Variants in CNTN5 observed in about 807,000 individuals in gnomAD.
CNTN5 encodes the protein contactin 5, also known as contactin-5.
A neutral mutation model predicts 129.1 loss-of-function variants in CNTN5; 77 were observed. The observed-to-expected ratio is 0.60, with a 90% CI of 0.50 to 0.72. The LOEUF is 0.72. Ranked by LOEUF, CNTN5 falls within the 30% of genes least tolerant of loss-of-function variation. The probability of loss-of-function intolerance (pLI) is 0.00; values close to 1 mark genes in which losing one functional copy is unlikely to be tolerated. For synonymous variants in CNTN5, 509 were observed against 465.6 expected, an observed-to-expected ratio of 1.09 and a Z score of -1.20; for missense variants, 1,478 against 1,328.8, an observed-to-expected ratio of 1.11 and a Z score of -1.75.
chr11:100,041,237 C>A (rs1942361754), intron 9 of CNTN5, among the ~76,000 whole-genome samples: 1 of 152,086 alleles, frequency 6.6e-6, no homozygotes, highest in South Asian at 2.1e-4. Flanking sequence ...TAACTCCTAC[C>A]AATTATGCAA....
At chr11:99,330,703 G>T (rs150930777) in intron 2 of CNTN5, among the ~76,000 whole-genome samples, 13 of 152,158 alleles carry the variant, frequency 8.5e-5, no homozygotes, top group African/African-American at 2.4e-4. Context: ...CTCAGTGCTG[G>T]AAGCTGTGCT....
intron 1 of CNTN5, among the ~76,000 whole-genome samples, chr11:99,187,658 CTATATG>C (rs1453125029): frequency 6.6e-6 from 1 of 151,738 alleles, no homozygotes; most frequent in African/African-American, 2.4e-5. Context: ...TTACTACAAA[CTATATG>C]TATGAAGATC....
At chr11:99,723,643 C>G (rs1280663329) in intron 3 of CNTN5, among the ~76,000 whole-genome samples, 3 of 152,106 alleles carry the variant, frequency 2.0e-5, no homozygotes, top group Non-Finnish European at 4.4e-5. Context: ...CATTCTTCCC[C>G]CTCCTCTGCC....
chr11:99,739,255 C>T (rs983332499), intron 3 of CNTN5, among the ~76,000 whole-genome samples: 6 of 151,890 alleles, frequency 4.0e-5, no homozygotes, highest in East Asian at 3.9e-4. Flanking sequence ...TCAAGTTGCC[C>T]GTCTTAAAAT....
intron 13 of CNTN5, among the ~76,000 whole-genome samples, chr11:100,164,400 C>A (rs535950795): frequency 1.3e-5 from 2 of 151,684 alleles, no homozygotes; most frequent in South Asian, 2.1e-4. Flanking sequence ...AAAGAGATAG[C>A]TATATCTTTC....
At chr11:99,917,515 T>A (rs1398636118) in intron 7 of CNTN5, among the ~76,000 whole-genome samples, 1 of 152,008 alleles carries the variant, frequency 6.6e-6, no homozygotes, top group Admixed American at 6.6e-5. Flanking sequence ...TTGTTAGAGA[T>A]TGCAGAAAAG....
intron 2 of CNTN5, among the ~76,000 whole-genome samples, chr11:99,417,175 C>A (rs147550929): frequency 6.6e-6 from 1 of 151,982 alleles, no homozygotes; most frequent in Non-Finnish European, 1.5e-5. Context: ...CAAATAGCAG[C>A]GTGAATACAT....
Position 99,114,399 on chromosome 11 carries a change from C to T in CNTN5, c.-210+93129C>T, listed in dbSNP as rs546698512. The stretch of plus-strand genomic sequence containing the variant: ...AAATGCTCAGAGGTCTTCTTCTTCT[C>T]CTTTTCCTTCCTTCTCTTTCTCCTT... On this transcript the variant is annotated intron_variant, in intron 1 of 24. Transcript: ENST00000524871. 1.1e-4 allele frequency among the ~76,000 whole-genome samples: 17 copies of T among 151,874 alleles called. No homozygotes were observed. The East Asian group carries it at 3.1e-3, about 28-fold the overall frequency.
chr11:99,771,073 G>C (rs943408899), intron 3 of CNTN5, among the ~76,000 whole-genome samples: 8 of 152,074 alleles, frequency 5.3e-5, no homozygotes, highest in African/African-American at 1.9e-4. Flanking sequence ...AAATGGTGTA[G>C]AGGAACCTGG....
At chr11:99,931,791 A>T (rs1950198573) in intron 7 of CNTN5, among the ~76,000 whole-genome samples, 1 of 152,210 alleles carries the variant, frequency 6.6e-6, no homozygotes, top group Non-Finnish European at 1.5e-5. Context: ...TGAAGGCAGG[A>T]AGAAAGAAAT....
chr11:99,791,855 C>T (rs1418140163), intron 3 of CNTN5, among the ~76,000 whole-genome samples: 1 of 151,922 alleles, frequency 6.6e-6, no homozygotes, highest in Admixed American at 6.6e-5. Context: ...GTATTTTATT[C>T]CTTTTGTGGT....
chr11:99,347,426 T>C (rs1164172893), intron 2 of CNTN5, among the ~76,000 whole-genome samples: 2 of 152,150 alleles, frequency 1.3e-5, no homozygotes, highest in African/African-American at 4.8e-5. Context: ...CAAAAGTAAT[T>C]AATATAATAA....
At chr11:99,334,409 G>A (rs746299680) in intron 2 of CNTN5, among the ~76,000 whole-genome samples, 2 of 152,074 alleles carry the variant, frequency 1.3e-5, no homozygotes, top group Non-Finnish European at 2.9e-5. Context: ...TGTGGTGATG[G>A]ATGTGATACT....
At chr11:99,414,676 T>C (rs1398846830) in intron 2 of CNTN5, among the ~76,000 whole-genome samples, 1 of 152,108 alleles carries the variant, frequency 6.6e-6, no homozygotes, top group Non-Finnish European at 1.5e-5. Context: ...GAGCAGGACC[T>C]GAATTATGGG....
Position 99,836,155 on chromosome 11 carries a change from T to A in CNTN5, c.278-8697T>A, listed in dbSNP as rs80126575. ...TTTTTTTTTAATTTTTCTTTTTTTT[T>A]AATTATACTTTAAGTTCTAGGGTAC... is the stretch of plus-strand genomic sequence containing the variant. On this transcript the variant is annotated intron_variant, in intron 4 of 24. Coordinates refer to ENST00000524871, the MANE Select transcript of CNTN5 (RefSeq NM_014361.4). Among the ~76,000 whole-genome samples, 1,353 of 151,830 alleles carry A rather than the reference T, an allele frequency of 8.9e-3. 12 individuals carry two copies. Among genetic ancestry groups the A allele is most frequent in the Middle Eastern group, 0.014 (4 of 292 alleles).
At chr11:99,448,151 C>T (rs1854213113) in intron 2 of CNTN5, among the ~76,000 whole-genome samples, 1 of 151,894 alleles carries the variant, frequency 6.6e-6, no homozygotes, top group Non-Finnish European at 1.5e-5. Flanking sequence ...TACAGAAACA[C>T]TAAACATGCA....
chr11:99,211,597 A>G (rs1859791617), intron 1 of CNTN5, among the ~76,000 whole-genome samples: 1 of 151,470 alleles, frequency 6.6e-6, no homozygotes, highest in Non-Finnish European at 1.5e-5. Flanking sequence ...ACTTCATTTA[A>G]TTATGCAAGT....
intron 21 of CNTN5, among the ~76,000 whole-genome samples, chr11:100,311,820 G>C (rs1222259018): frequency 6.6e-6 from 1 of 152,000 alleles, no homozygotes. Flanking sequence ...TGATAATGAA[G>C]GCTTAACTGG....
At chr11:100,318,855 T>C (rs1951621278) in intron 21 of CNTN5, among the ~76,000 whole-genome samples, 1 of 152,124 alleles carries the variant, frequency 6.6e-6, no homozygotes. Context: ...ATATTTAGCA[T>C]TGTAAGAATT....
Sources: allele counts gnomAD v4.1 joint callset (sites outside exome capture counted in the v4.1 genomes callset), GRCh38; gene constraint gnomAD v4.1.1; transcripts MANE v1.5; gene names NCBI Gene and HGNC (gene_info 2026-07-23, HGNC 2026-07-21).